The following GRM8 variants were observed in gnomAD, a reference collection of about 807,000 sequenced individuals.
GRM8 encodes glutamate metabotropic receptor 8.
Under a neutral mutation model 87.2 loss-of-function variants are expected in GRM8, and 47 were observed. The ratio of observed to expected loss-of-function variants is 0.54; its 90% confidence interval spans 0.43 to 0.69. The LOEUF is 0.69. GRM8 is among the 30% of genes least tolerant of loss of function. The probability of loss-of-function intolerance (pLI) is 0.00; values close to 1 mark genes in which losing one functional copy is unlikely to be tolerated. For synonymous variants in GRM8, 396 were observed against 404.5 expected (o/e 0.98, Z 0.25); for missense variants, 1,019 against 1,139.2 (o/e 0.89, Z 1.52).
intron 2 of GRM8, among the ~76,000 whole-genome samples, chr7:127,121,439 G>C (rs1272763309): frequency 6.6e-6 from 1 of 152,132 alleles, no homozygotes; most frequent in African/African-American, 2.4e-5. Context: ...TCCCATGCTT[G>C]CCATAGAAGG....
At chr7:127,170,821 C>T (rs148940944) in intron 2 of GRM8, among the ~76,000 whole-genome samples, 4 of 152,156 alleles carry the variant, frequency 2.6e-5, no homozygotes, top group East Asian at 3.9e-4. Context: ...AATGATACAA[C>T]GGACTTTGGG....
At chr7:126,557,940 T>C (rs1793320249) in intron 8 of GRM8, among the ~76,000 whole-genome samples, 1 of 150,530 alleles carries the variant, frequency 6.6e-6, no homozygotes, top group Admixed American at 6.7e-5. Context: ...GGAATTCTGG[T>C]TTCACAAAAT....
intron 8 of GRM8, among the ~76,000 whole-genome samples, chr7:126,552,892 C>G (rs924168092): frequency 1.3e-5 from 2 of 152,134 alleles, no homozygotes; most frequent in African/African-American, 4.8e-5. Flanking sequence ...ATTTAAGTCT[C>G]TTATTTATAA....
chr7:126,801,763 G>A (rs1367594244), intron 6 of GRM8, among the ~76,000 whole-genome samples: 1 of 152,024 alleles, frequency 6.6e-6, no homozygotes, highest in Non-Finnish European at 1.5e-5. Context: ...TAAGTAGAGA[G>A]GGCTCACCCT....
chr7:126,588,064 T>C (rs1434010391), intron 8 of GRM8, among the ~76,000 whole-genome samples: 1 of 152,174 alleles, frequency 6.6e-6, no homozygotes, highest in African/African-American at 2.4e-5. Context: ...GACAATGTAA[T>C]GGCTTCATCT....
chr7:127,103,276 G>A (rs933571928), intron 3 of GRM8, among the ~76,000 whole-genome samples: 7 of 152,220 alleles, frequency 4.6e-5, no homozygotes, highest in African/African-American at 1.2e-4. Context: ...ATCTCATGTC[G>A]AAATGTCATC....
intron 2 of GRM8, among the ~76,000 whole-genome samples, chr7:127,241,329 C>T (rs1341523255): frequency 1.3e-5 from 2 of 152,214 alleles, no homozygotes; most frequent in African/African-American, 2.4e-5. Flanking sequence ...TTTTGTGTGA[C>T]ATTTCCCATC....
At chr7:126,668,667 T>C (rs1363480186) in intron 7 of GRM8, among the ~76,000 whole-genome samples, 1 of 152,210 alleles carries the variant, frequency 6.6e-6, no homozygotes, top group African/African-American at 2.4e-5. Flanking sequence ...TAAGCTTTTC[T>C]CTTGGTGGAG....
chr7:126,503,868 T>C (rs998738678), intron 9 of GRM8, among the ~76,000 whole-genome samples: 2 of 152,056 alleles, frequency 1.3e-5, no homozygotes, highest in Admixed American at 6.6e-5. Context: ...TTTGATTCTC[T>C]AGCTCTCTGC....
At chr7:126,517,602 T>C (rs1326996037) in intron 9 of GRM8, among the ~76,000 whole-genome samples, 1 of 152,162 alleles carries the variant, frequency 6.6e-6, no homozygotes, top group East Asian at 1.9e-4. Context: ...GTAAAGTTTG[T>C]AACTATCACA....
At chr7:126,946,052 C>T (rs1242884395) in intron 3 of GRM8, among the ~76,000 whole-genome samples, 2 of 152,212 alleles carry the variant, frequency 1.3e-5, no homozygotes, top group Non-Finnish European at 2.9e-5. Flanking sequence ...TGTAATTTTG[C>T]ATTCTTCCTT....
chr7:126,507,853 C>T (rs1046013970), intron 9 of GRM8, among the ~76,000 whole-genome samples: 1 of 151,982 alleles, frequency 6.6e-6, no homozygotes, highest in African/African-American at 2.4e-5. Flanking sequence ...GTATGGCCCT[C>T]CCCCAAGTTT....
intron 6 of GRM8, among the ~76,000 whole-genome samples, chr7:126,824,489 G>A (rs1794586226): frequency 6.6e-6 from 1 of 152,176 alleles, no homozygotes; most frequent in Non-Finnish European, 1.5e-5. Context: ...CCTGTTGACT[G>A]GGGGAAGGGA....
chr7:126,943,302 C>A (rs1807172448), intron 3 of GRM8, among the ~76,000 whole-genome samples: 1 of 152,174 alleles, frequency 6.6e-6, no homozygotes, highest in East Asian at 1.9e-4. Context: ...GTTTCTGAGT[C>A]CCTTTTTTCT....
chr7:126,996,350 C>T (rs1813174404), intron 3 of GRM8, among the ~76,000 whole-genome samples: 2 of 149,476 alleles, frequency 1.3e-5, no homozygotes, highest in South Asian at 4.2e-4. Flanking sequence ...TATCTTAAGT[C>T]AAAAGACTAA....
chr7:126,952,049 G>C (rs1229406587), intron 3 of GRM8, among the ~76,000 whole-genome samples: 1 of 141,218 alleles, frequency 7.1e-6, no homozygotes, highest in Non-Finnish European at 1.6e-5. Context: ...AAAGAAAAAA[G>C]CTTGGACAAG....
At chr7:127,139,220 G>A (rs555729999) in intron 2 of GRM8, among the ~76,000 whole-genome samples, 6 of 152,202 alleles carry the variant, frequency 3.9e-5, no homozygotes, top group Admixed American at 3.3e-4. Flanking sequence ...CTTCTCCCAT[G>A]AACCAAGACA....
At chr7:126,754,988 T>G (rs1214115436) in intron 7 of GRM8, among the ~76,000 whole-genome samples, 2 of 151,638 alleles carry the variant, frequency 1.3e-5, no homozygotes, top group Admixed American at 1.3e-4. Flanking sequence ...TGGTGTTTGT[T>G]TATTCATATA....
chr7:126,984,303 T>C (rs1811831022), intron 3 of GRM8, among the ~76,000 whole-genome samples: 1 of 152,152 alleles, frequency 6.6e-6, no homozygotes, highest in African/African-American at 2.4e-5. Context: ...GTCAACTTGA[T>C]GGGATTGAAG....
Sources: allele counts gnomAD v4.1 joint callset (sites outside exome capture counted in the v4.1 genomes callset), GRCh38; gene constraint gnomAD v4.1.1; transcripts MANE v1.5; gene names NCBI Gene and HGNC (gene_info 2026-07-23, HGNC 2026-07-21).